Variants in CYP2C8 observed in about 807,000 individuals in gnomAD.
The protein encoded by CYP2C8 is cytochrome P450 family 2 subfamily C member 8.
A neutral mutation model predicts 41.3 loss-of-function variants in CYP2C8; 51 were observed. The ratio of observed to expected loss-of-function variants is 1.24; its 90% CI spans 0.99 to 1.56. The LOEUF (loss-of-function observed/expected upper bound fraction) is 1.56. Among genes scored for constraint, CYP2C8 ranks in the 40% most tolerant of loss-of-function variants. The pLI is 0.00. For synonymous variants in CYP2C8, 218 were observed against 205.8 expected (o/e 1.06, Z -0.51); for missense variants, 651 against 579.9 (o/e 1.12, Z -1.26).
At chr10:95,052,896 G>A (rs1200215632) in intron 5 of CYP2C8, among the ~76,000 whole-genome samples, 1 of 152,098 alleles carries the variant, frequency 6.6e-6, no homozygotes, top group Non-Finnish European at 1.5e-5. Context: ...CAACAAGGAT[G>A]CTTACTTTCA....
intron 5 of CYP2C8, among the ~76,000 whole-genome samples, chr10:95,049,487 T>G (rs2033174415): frequency 6.6e-6 from 1 of 152,088 alleles, no homozygotes; most frequent in African/African-American, 2.4e-5. Flanking sequence ...ATTAGTGCAG[T>G]TCTGTTAAGG....
At chr10:95,054,479 C>A (rs557096096) in intron 5 of CYP2C8, among the ~76,000 whole-genome samples, 5 of 152,152 alleles carry the variant, frequency 3.3e-5, no homozygotes, top group African/African-American at 9.6e-5. Context: ...AAAGCTTATA[C>A]CCCAAAATCA....
chr10:95,045,865 T>C lies in CYP2C8; in HGVS notation c.906A>G (p.Thr302=). 1 of 1,614,072 alleles carries C rather than the reference T, an allele frequency of 6.2e-7. No individual in the cohort carries two copies. The highest frequency in any genetic ancestry group is 8.5e-7 in the Non-Finnish European group (1 of 1,179,932). The part of the protein sequence containing the change: ...ADLFVAGTET[T]STTLRYGLLL... The stretch of plus-strand genomic sequence containing the variant: ...GGAGTCCATATCTCAGAGTGGTGCT[T>C]GTTGTCTCTGTTCCAGCAACAAATA... The change falls in exon 6 of 9, where the codon ACA becomes ACG. Residue 302 remains threonine, a synonymous_variant. Transcript: ENST00000371270.
intron 5 of CYP2C8, among the ~76,000 whole-genome samples, chr10:95,052,809 C>G (rs2033237556): frequency 2.0e-5 from 3 of 152,024 alleles, no homozygotes; most frequent in Admixed American, 2.0e-4. Context: ...ATAGTAAAAG[C>G]TATCTACAAA....
Position 95,067,690 on chromosome 10 carries a change from A to T in CYP2C8, c.170T>A (p.Phe57Tyr). 6.2e-7 allele frequency: 1 copy of T among 1,614,132 alleles called. No homozygotes were observed. The highest frequency in any genetic ancestry group is 8.5e-7 in the Non-Finnish European group (1 of 1,180,006). ...VKDICKSFTN[F>Y]SKVYGPVFTV... ...GAACACAGGACCATAGACTTTTGAG[A>T]ACTGGGAAAGGAAATGCAAATAGCA... The change falls in exon 2 of 9, where the codon TTC becomes TAC. Residue 57 changes from phenylalanine to tyrosine, a missense_variant and splice_region_variant. Transcript: ENST00000371270.
chr10:95,046,402 G>A (rs1023380264), intron 5 of CYP2C8, among the ~76,000 whole-genome samples: 52 of 150,638 alleles, frequency 3.5e-4, no homozygotes, highest in African/African-American at 1.3e-3. Flanking sequence ...AAAAGTAGAA[G>A]GGCAAGAAAG....
At chr10:95,052,019 CA>C (rs2033222132) in intron 5 of CYP2C8, among the ~76,000 whole-genome samples, 2 of 151,782 alleles carry the variant, frequency 1.3e-5, no homozygotes, top group South Asian at 4.2e-4. Context: ...ATTAACAAAG[CA>C]AAAAGTTGTT....
At chr10:95,068,764 TAGAA>T (rs1830951112) in intron 1 of CYP2C8, 1 of 556,068 alleles carries the variant, frequency 1.8e-6, no homozygotes, top group Non-Finnish European at 3.0e-6. Context: ...ATGACAGACT[TAGAA>T]AGACAAAAGA....
intron 5 of CYP2C8, among the ~76,000 whole-genome samples, chr10:95,057,311 C>T (rs958964831): frequency 3.9e-5 from 6 of 151,976 alleles, no homozygotes; most frequent in East Asian, 1.9e-4. Flanking sequence ...AAACAAAATA[C>T]CATTAAAGTG....
chr10:95,062,863 G>T (rs572161664), intron 4 of CYP2C8, among the ~76,000 whole-genome samples: 83 of 152,198 alleles, frequency 5.5e-4, no homozygotes, highest in African/African-American at 1.9e-3. Flanking sequence ...GCATTTGCTT[G>T]TATGTAAAGG....
At position 95,069,302 on chromosome 10, in the gene CYP2C8, G is replaced by C. The variant is rs911527119; in HGVS notation, c.101C>G (p.Thr34Ser). Residue 34 changes from threonine to serine, a missense_variant, in exon 1 of 9, where the codon ACT becomes AGT. Thr to Ser is a moderately conservative substitution (Grantham distance 58, BLOSUM62 1). Transcript: ENST00000371270. ...CATATTTCCAATAATAGGAAGAGGA[G>C]TGGGGCCAGGAGGGAGCTTCCTTCT... ...CRRRKLPPGP[T>S]PLPIIGNMLQ... 1.2e-6 allele frequency: 2 copies of C among 1,613,946 alleles called. No homozygotes were observed. The highest frequency in any genetic ancestry group is 2.7e-5 in the African/African-American group (2 of 74,934).
rs865958607 is a variant in CYP2C8, at chr10:95,068,183, T to G, written c.169-492A>C. ...CATGAGGATTCTGATACAGCAGTCC[T>G]GTGATGAACCCTAGAAATCTGTATT... On this transcript the variant is annotated intron_variant, in intron 1 of 8. Transcript: ENST00000371270. Among the ~76,000 whole-genome samples the G allele has an allele frequency of 3.9e-5, 6 of 152,352 alleles. No homozygotes were observed. In the South Asian group the frequency reaches 1.0e-3, roughly 26 times the overall value.
At position 95,037,137 on chromosome 10, in the gene CYP2C8, G is replaced by A. The variant is rs760584366; in HGVS notation, c.1464C>T (p.Ile488=). ...SLPPSYQICF[I]PV ...GATGGGCTAGCATTCTTCAGACAGG[G>A]ATGAAGCAGATCTGGTATGAGGGTG... The change falls in exon 9 of 9, where the codon ATC becomes ATT. Residue 488 remains isoleucine, a synonymous_variant. Coordinates refer to ENST00000371270, the MANE Select transcript of CYP2C8 (RefSeq NM_000770.3). 68 of 1,613,754 alleles carry A rather than the reference G, an allele frequency of 4.2e-5. No individual in the cohort carries two copies. The highest frequency in any genetic ancestry group is 5.6e-5 in the Non-Finnish European group (66 of 1,179,808).
At chr10:95,040,268 A>C (rs2032967878) in intron 7 of CYP2C8, among the ~76,000 whole-genome samples, 1 of 151,904 alleles carries the variant, frequency 6.6e-6, no homozygotes, top group Non-Finnish European at 1.5e-5. Context: ...ATTGAGAAAG[A>C]AAAACCTCTT....
intron 3 of CYP2C8, among the ~76,000 whole-genome samples, chr10:95,065,680 C>T: frequency 6.6e-6 from 1 of 151,836 alleles, no homozygotes; most frequent in Non-Finnish European, 1.5e-5. Context: ...TTATCATTTC[C>T]AATCATCTTC....
chr10:95,043,604 C>G (rs2033051309), intron 6 of CYP2C8, among the ~76,000 whole-genome samples: 1 of 151,874 alleles, frequency 6.6e-6, no homozygotes, highest in African/African-American at 2.4e-5. Flanking sequence ...TCTAAATAAC[C>G]ACTATTTCTT....
At chr10:95,067,897 C>T (rs2033605356) in intron 1 of CYP2C8, among the ~76,000 whole-genome samples, 1 of 152,056 alleles carries the variant, frequency 6.6e-6, no homozygotes, top group Non-Finnish European at 1.5e-5. Flanking sequence ...ACGCAATGAC[C>T]CAGGCAATTG....
chr10:95,069,171 C>A, intron 1 of CYP2C8, 64 bp downstream of exon 1: 1 of 1,568,006 alleles, frequency 6.4e-7, no homozygotes, highest in Non-Finnish European at 8.8e-7. Context: ...TATATTTTGT[C>A]TAAAAATAGC....
At chr10:95,042,655 A>G (rs760962247) in intron 7 of CYP2C8, among the ~76,000 whole-genome samples, 1 of 152,208 alleles carries the variant, frequency 6.6e-6, no homozygotes, top group Non-Finnish European at 1.5e-5. Context: ...TGGGAAATTG[A>G]CACACTGATA....
Sources: gnomAD v4.1 joint callset for allele counts (sites outside exome capture counted in the v4.1 genomes callset) on GRCh38, gnomAD v4.1.1 for gene constraint, MANE v1.5 for transcripts, NCBI Gene and HGNC (gene_info 2026-07-23, HGNC 2026-07-21) for gene names.